The following C2CD3 variants were observed in gnomAD, a reference collection of about 807,000 sequenced individuals.
C2CD3 encodes the protein C2 domain containing 3 centriole elongation regulator, also known as C2 domain-containing protein 3.
In C2CD3, 148 loss-of-function variants were observed where a neutral mutation model predicts 234.0. The observed-to-expected ratio is 0.63, with a 90% CI of 0.55 to 0.72. The LOEUF (loss-of-function observed/expected upper bound fraction) is 0.72. Among genes scored for constraint, C2CD3 ranks in the 30% least tolerant of loss-of-function variants. The pLI, the probability that C2CD3 is intolerant of heterozygous loss-of-function variation, is 0.00. For synonymous variants in C2CD3, 1,000 were observed against 1,035.4 expected, an observed-to-expected ratio of 0.97 and a Z score of 0.66; for missense variants, 2,577 against 2,811.5, an observed-to-expected ratio of 0.92 and a Z score of 1.89.
intron 24 of C2CD3, among the ~76,000 whole-genome samples, chr11:74,061,205 G>A (rs1228435625): frequency 1.3e-5 from 2 of 152,212 alleles, no homozygotes; most frequent in Non-Finnish European, 2.9e-5. Flanking sequence ...ACACTCTTCA[G>A]AATATTATCC....
intron 24 of C2CD3, among the ~76,000 whole-genome samples, chr11:74,063,276 T>G (rs1334884903): frequency 6.6e-6 from 1 of 152,238 alleles, no homozygotes; most frequent in Non-Finnish European, 1.5e-5. Flanking sequence ...TAATTCATTT[T>G]ATGAGGCCAA....
chr11:74,115,280 T>A lies in C2CD3; in HGVS notation c.1521-687A>T, dbSNP rs951114575. 2.6e-5 allele frequency among the ~76,000 whole-genome samples: 4 copies of A among 151,872 alleles called. No individual in the cohort carries two copies. In the South Asian group the frequency reaches 8.3e-4, roughly 32 times the overall value. ...CACACACAACATATATACACACACA[T>A]ACATTATACAATACATATGAGTACA... is the stretch of plus-strand genomic sequence containing the variant. On this transcript the variant is annotated intron_variant, in intron 9 of 32. Coordinates refer to ENST00000334126, the MANE Select transcript of C2CD3 (RefSeq NM_001286577.2).
rs139822459 is a variant in C2CD3 at position 74,139,558 on chromosome 11, C to T, written c.707+47G>A. 5.9e-5 allele frequency: 73 copies of T among 1,239,634 alleles called. No homozygotes were observed. In the East Asian group the frequency reaches 1.6e-3, roughly 27 times the overall value. 76.8% of individuals were successfully genotyped at this position (1,239,634 alleles called of 1,614,324 possible). ...AAATGAAAGACAGAAATCACAACTACAGTGCAGTTAACTGACAGATTGACT... is the reference window on the plus strand; with the variant it reads ...AAATGAAAGACAGAAATCACAACTATAGTGCAGTTAACTGACAGATTGACT... On this transcript the variant is annotated intron_variant, in intron 4 of 32. Transcript: ENST00000334126.
intron 31 of C2CD3, among the ~76,000 whole-genome samples, chr11:74,032,007 T>C (rs1443335241): frequency 1.3e-5 from 2 of 152,208 alleles, no homozygotes; most frequent in Admixed American, 1.3e-4. Context: ...TGTACAAATG[T>C]TTCCACTCAT....
chr11:74,059,974 C>A (rs901092400), intron 24 of C2CD3, among the ~76,000 whole-genome samples: 2 of 152,186 alleles, frequency 1.3e-5, no homozygotes, highest in African/African-American at 4.8e-5. Flanking sequence ...GACTGTATCC[C>A]GCGCCTGGCT....
At chr11:74,140,760 A>G (rs559696548) in intron 3 of C2CD3, among the ~76,000 whole-genome samples, 4 of 152,342 alleles carry the variant, frequency 2.6e-5, no homozygotes, top group Admixed American at 2.0e-4. Flanking sequence ...CATTTTCTGC[A>G]TTCTTATTAT....
intron 29 of C2CD3, among the ~76,000 whole-genome samples, chr11:74,040,664 A>C (rs1419580046): frequency 6.6e-6 from 1 of 151,934 alleles, no homozygotes; most frequent in African/African-American, 2.4e-5. Flanking sequence ...TTTGAGGCAG[A>C]AGAATCGCTT....
chr11:74,060,758 T>C (rs926159712), intron 24 of C2CD3, among the ~76,000 whole-genome samples: 3 of 152,154 alleles, frequency 2.0e-5, no homozygotes, highest in Non-Finnish European at 4.4e-5. Context: ...CGGAACAAAG[T>C]TGGACGGAGA....
At chr11:74,132,802 AG>A in intron 7 of C2CD3, 41 bp downstream of exon 7, 1 of 1,592,862 alleles carries the variant, frequency 6.3e-7, no homozygotes, top group South Asian at 1.1e-5. Context: ...TATGAATTGG[AG>A]GAAGAGTTTA....
Position 74,113,773 on chromosome 11 carries a change from C to T in C2CD3, c.1843+7G>A, listed in dbSNP as rs771670101. On this transcript the variant is annotated splice_region_variant and intron_variant, in intron 11 of 32. Coordinates refer to ENST00000334126, the MANE Select transcript of C2CD3 (RefSeq NM_001286577.2). ...TCTAAGGTGCAGAAAACCAGTGTGT[C>T]TCTTACTTCCATCTGTAATTTTACT... 5 of 1,523,838 alleles carry T rather than the reference C, an allele frequency of 3.3e-6. No homozygotes were observed. The highest frequency in any genetic ancestry group is 1.1e-5 in the South Asian group (1 of 89,292). 94.4% of individuals were successfully genotyped at this position (1,523,838 alleles called of 1,614,324 possible).
intron 9 of C2CD3, among the ~76,000 whole-genome samples, chr11:74,116,988 ATATACGTGTATATG>A (rs1956987504): frequency 1.3e-5 from 1 of 79,676 alleles, no homozygotes; most frequent in Non-Finnish European, 3.5e-5. Flanking sequence ...ATATATACAC[ATATACGTGTATATG>A]TATATATACA....
Position 74,083,935 on chromosome 11 carries a change from A to T in C2CD3, c.4000+946T>A, listed in dbSNP as rs556111265. Among the ~76,000 whole-genome samples, 152 of 152,340 alleles carry T rather than the reference A, an allele frequency of 1.0e-3. 1 individual carries two copies. Among genetic ancestry groups the T allele is most frequent in the African/African-American group, 3.5e-3 (147 of 41,572 alleles). On this transcript the variant is annotated intron_variant, in intron 22 of 32. Transcript: ENST00000334126. ...AATTACCATTTGACCCAGCCATCCC[A>T]TGACTGGGTATATACCCAAAGGATT...
In C2CD3 at chr11:74,085,917, T is replaced by G. The variant is rs376315877; in HGVS notation, c.3642-31A>C. 43 of 1,574,332 alleles carry G rather than the reference T, an allele frequency of 2.7e-5. No homozygotes were observed. In the African/African-American group the frequency reaches 5.3e-4, roughly 19 times the overall value. On this transcript the variant is annotated intron_variant, in intron 20 of 32. Transcript: ENST00000334126. ...GAGGAGAAGGGTGGAAATGAGAAGATACCATGGTAACATTAGAAATCAGCT... is the reference window on the plus strand; with the variant it reads ...GAGGAGAAGGGTGGAAATGAGAAGAGACCATGGTAACATTAGAAATCAGCT...
At chr11:74,035,748 T>C (rs116501585) in intron 30 of C2CD3, among the ~76,000 whole-genome samples, 3,322 of 152,188 alleles carry the variant, frequency 0.022, 70 homozygotes, top group African/African-American at 0.047. Context: ...CTAATCATCT[T>C]TCTCTTTTTA....
Position 74,013,420 on chromosome 11 carries a change from G to T in C2CD3, c.7027C>A (p.Arg2343=). 3 of 1,327,092 alleles carry T rather than the reference G, an allele frequency of 2.3e-6. No individual in the cohort carries two copies. Among genetic ancestry groups the T allele is most frequent in the Non-Finnish European group, 3.0e-6 (3 of 1,008,586 alleles). The allele number at this position is 1,327,092 out of a possible 1,614,324, so 82.2% of individuals were successfully genotyped here. A position where few individuals can be genotyped will look rare whatever the true frequency, so the allele number is the denominator to read the frequency against. The stretch of plus-strand genomic sequence containing the variant: ...TGGGAGTACTGAGAAGAAAATATCC[G>T]TGCAATCCTGAGAGTTTCTTCCTCA... ...LPEEETLRIA[R]IFSSQYSQKD Residue 2343 remains arginine, a synonymous_variant, in exon 33 of 33, where the codon CGG becomes AGG. Transcript: ENST00000334126.
chr11:74,040,925 C>G (rs1006278961), intron 29 of C2CD3, among the ~76,000 whole-genome samples: 1 of 150,690 alleles, frequency 6.6e-6, no homozygotes, highest in Non-Finnish European at 1.5e-5. Context: ...CACACACACA[C>G]GCACACACAC....
At chr11:74,097,935 T>C (rs1415725912) in intron 16 of C2CD3, 74 bp downstream of exon 16, 18 of 1,441,730 alleles carry the variant, frequency 1.2e-5, no homozygotes, top group South Asian at 1.3e-5. Context: ...AATAAAGGAT[T>C]TGGGCAATAA....
rs774532037 is a variant in C2CD3, at chr11:74,048,304, G to A, written c.5396C>T (p.Ser1799Phe). ...GCTGGAGAATGCAGCATACGTATCA[G>A]AGGCAGGGAAGGAAAAGGGACTGTA... ...PIYSPFSFPASDTYAAFSSHM... is the reference protein window; with the variant it reads ...PIYSPFSFPAFDTYAAFSSHM... The change falls in exon 28 of 33, where the codon TCT (serine) becomes TTT (phenylalanine). Residue 1799 changes from serine (S) to phenylalanine (F), a missense_variant. Ser to Phe is a radical substitution (Grantham distance 155). Transcript: ENST00000334126. 11 of 1,613,668 alleles carry A rather than the reference G, an allele frequency of 6.8e-6. No homozygotes were observed. The highest frequency in any genetic ancestry group is 1.3e-5 in the African/African-American group (1 of 74,910).
chr11:74,120,406 C>G (rs1401620392), intron 8 of C2CD3, among the ~76,000 whole-genome samples: 1 of 152,162 alleles, frequency 6.6e-6, no homozygotes, highest in East Asian at 1.9e-4. Context: ...TGATAGCTTG[C>G]TCAGAATGAT....
Sources: allele counts gnomAD v4.1 joint callset (sites outside exome capture counted in the v4.1 genomes callset), GRCh38; gene constraint gnomAD v4.1.1; transcripts MANE v1.5; gene names NCBI Gene and HGNC (gene_info 2026-07-23, HGNC 2026-07-21).